CSMD3: variants seen among roughly 807,000 people sequenced by gnomAD.
CSMD3 encodes the protein CUB and sushi domain-containing protein 3.
A neutral mutation model predicts 435.2 loss-of-function variants in CSMD3; 177 were observed. The ratio of observed to expected loss-of-function variants is 0.41; its 90% CI spans 0.36 to 0.46. The LOEUF is 0.46. Among genes scored for constraint, CSMD3 ranks in the 20% least tolerant of loss-of-function variants. The pLI is 0.34. For synonymous variants in CSMD3, 1,656 were observed against 1,520.5 expected, an observed-to-expected ratio of 1.09 and a Z score of -2.07; for missense variants, 4,265 against 4,504.6, an observed-to-expected ratio of 0.95 and a Z score of 1.52.
At chr8:113,306,794 G>A (rs1048634440) in intron 2 of CSMD3, among the ~76,000 whole-genome samples, 1 of 152,038 alleles carries the variant, frequency 6.6e-6, no homozygotes, top group African/African-American at 2.4e-5. Context: ...GAACCAAAAA[G>A]AAATGGTCTA....
chr8:113,322,220 T>C (rs1297755522), intron 1 of CSMD3, among the ~76,000 whole-genome samples: 3 of 152,184 alleles, frequency 2.0e-5, no homozygotes, highest in Middle Eastern at 6.3e-3. Context: ...TTCTAAACTT[T>C]TACTCATAAA....
chr8:113,228,575 C>T (rs1286501661), intron 3 of CSMD3, among the ~76,000 whole-genome samples: 1 of 150,964 alleles, frequency 6.6e-6, no homozygotes, highest in Admixed American at 6.6e-5. Flanking sequence ...TCATTGAGCA[C>T]TTTAAAAAAA....
intron 13 of CSMD3, among the ~76,000 whole-genome samples, chr8:112,795,482 G>T (rs1287551792): frequency 1.3e-5 from 2 of 152,092 alleles, no homozygotes; most frequent in Non-Finnish European, 2.9e-5. Flanking sequence ...TATATTAAAT[G>T]TTCAAATATA....
intron 10 of CSMD3, among the ~76,000 whole-genome samples, chr8:112,894,534 C>T (rs929387836): frequency 3.3e-5 from 5 of 151,206 alleles, no homozygotes; most frequent in Non-Finnish European, 7.4e-5. Flanking sequence ...GTTTAAGTCT[C>T]ATCTCAATAG....
intron 13 of CSMD3, among the ~76,000 whole-genome samples, chr8:112,705,352 T>C (rs1053503538): frequency 6.6e-6 from 1 of 152,032 alleles, no homozygotes; most frequent in Non-Finnish European, 1.5e-5. Context: ...TGTTCTCCAG[T>C]ATATCTTACT....
intron 32 of CSMD3, among the ~76,000 whole-genome samples, chr8:112,450,541 G>C (rs1816142694): frequency 6.6e-6 from 1 of 152,114 alleles, no homozygotes; most frequent in Non-Finnish European, 1.5e-5. Context: ...ATCTTCTAAG[G>C]GTGGTTGGAG....
intron 19 of CSMD3, among the ~76,000 whole-genome samples, chr8:112,649,249 C>T (rs548726749): frequency 6.6e-6 from 1 of 152,260 alleles, no homozygotes; most frequent in East Asian, 1.9e-4. Flanking sequence ...ACAGCTTCTG[C>T]TTTTATTTTT....
chr8:112,630,119 T>C (rs150511348), intron 22 of CSMD3, among the ~76,000 whole-genome samples: 4 of 152,274 alleles, frequency 2.6e-5, no homozygotes, highest in African/African-American at 4.8e-5. Context: ...AACACATTAA[T>C]TGTAGTCTGT....
intron 9 of CSMD3, among the ~76,000 whole-genome samples, chr8:112,925,736 C>T (rs1352776411): frequency 6.6e-6 from 1 of 152,042 alleles, no homozygotes; most frequent in Non-Finnish European, 1.5e-5. Flanking sequence ...CCATTTTCTA[C>T]CTTACTATTT....
At chr8:112,521,101 ATGTACAGTAC>A (rs1442958335) in intron 27 of CSMD3, among the ~76,000 whole-genome samples, 3 of 152,126 alleles carry the variant, frequency 2.0e-5, no homozygotes, top group African/African-American at 7.2e-5. Flanking sequence ...TCTCAGTCGC[ATGTACAGTAC>A]TATACTGGAT....
chr8:112,940,562 T>C (rs1451725743), intron 9 of CSMD3, among the ~76,000 whole-genome samples: 2 of 151,762 alleles, frequency 1.3e-5, no homozygotes, highest in East Asian at 3.9e-4. Context: ...GCTGCCAACT[T>C]TATATCTCTT....
At chr8:112,961,734 A>G (rs1246895018) in intron 7 of CSMD3, among the ~76,000 whole-genome samples, 5 of 151,014 alleles carry the variant, frequency 3.3e-5, no homozygotes, top group African/African-American at 1.2e-4. Flanking sequence ...AAAACTATAT[A>G]AAAAATCATG....
chr8:112,343,017 T>TATTTA (rs1563815796), intron 41 of CSMD3, among the ~76,000 whole-genome samples: 4 of 52,548 alleles, frequency 7.6e-5, no homozygotes, highest in African/African-American at 1.5e-4. Context: ...ATATATATAT[T>TATTTA]TATATATATA....
intron 12 of CSMD3, among the ~76,000 whole-genome samples, chr8:112,815,456 G>C (rs1486165194): frequency 6.6e-6 from 1 of 152,096 alleles, no homozygotes; most frequent in Non-Finnish European, 1.5e-5. Context: ...TGTATTCAAA[G>C]TTGGAATATG....
At chr8:112,648,575 A>G (rs1227798964) in intron 19 of CSMD3, among the ~76,000 whole-genome samples, 2 of 152,172 alleles carry the variant, frequency 1.3e-5, no homozygotes, top group Non-Finnish European at 2.9e-5. Context: ...AGAATTTTGG[A>G]TATGGAATAT....
At chr8:113,084,672 GAAAA>G (rs1214350341) in intron 5 of CSMD3, among the ~76,000 whole-genome samples, 1 of 115,350 alleles carries the variant, frequency 8.7e-6, no homozygotes, top group Non-Finnish European at 1.9e-5. Context: ...TAAGAAAAAA[GAAAA>G]AAATCCATGG....
At chr8:113,006,354 AGAC>A (rs2086055467) in intron 6 of CSMD3, among the ~76,000 whole-genome samples, 1 of 152,032 alleles carries the variant, frequency 6.6e-6, no homozygotes, top group Admixed American at 6.6e-5. Context: ...AGTTAAAAGA[AGAC>A]TGGTGGAAAT....
At chr8:112,598,875 G>C (rs1166312830) in intron 22 of CSMD3, among the ~76,000 whole-genome samples, 1 of 152,102 alleles carries the variant, frequency 6.6e-6, no homozygotes, top group Non-Finnish European at 1.5e-5. Flanking sequence ...AATTCAAGAT[G>C]GATTAAAGAC....
At chr8:112,786,980 A>C (rs2078559859) in intron 13 of CSMD3, among the ~76,000 whole-genome samples, 1 of 151,990 alleles carries the variant, frequency 6.6e-6, no homozygotes, top group African/African-American at 2.4e-5. Context: ...GAGAACATGC[A>C]GTGTTTGGTT....
Sources: gnomAD v4.1 joint callset for allele counts (sites outside exome capture counted in the v4.1 genomes callset) on GRCh38, gnomAD v4.1.1 for gene constraint, MANE v1.5 for transcripts, NCBI Gene and HGNC (gene_info 2026-07-23, HGNC 2026-07-21) for gene names.